Variants in CDH8 observed in about 807,000 individuals in gnomAD.
The protein encoded by CDH8 is cadherin 8.
CDH8 carries 17 observed loss-of-function variants against 68.1 expected under a neutral mutation model. The ratio of observed to expected loss-of-function variants is 0.25; its 90% CI spans 0.17 to 0.37. CDH8 has a LOEUF of 0.37. Ranked by LOEUF, CDH8 falls within the 10% of genes least tolerant of loss-of-function variation. The pLI is 1.00. For missense variants in CDH8, 763 were observed against 999.3 expected (o/e 0.76, Z 3.19); for synonymous variants, 372 against 365.1 (o/e 1.02, Z -0.21).
intron 8 of CDH8, among the ~76,000 whole-genome samples, chr16:61,748,235 T>TCAA (rs1012779971): frequency 6.6e-6 from 1 of 151,718 alleles, no homozygotes; most frequent in African/African-American, 2.4e-5. Flanking sequence ...ATCATCATCA[T>TCAA]CATCACTTTT....
intron 2 of CDH8, among the ~76,000 whole-genome samples, chr16:62,005,578 A>C (rs1161056071): frequency 6.6e-6 from 1 of 152,000 alleles, no homozygotes; most frequent in Non-Finnish European, 1.5e-5. Flanking sequence ...TCTACTAAAA[A>C]TACAAAAATT....
intron 10 of CDH8, among the ~76,000 whole-genome samples, chr16:61,701,687 G>A (rs528574246): frequency 1.3e-5 from 2 of 152,260 alleles, no homozygotes; most frequent in South Asian, 4.1e-4. Flanking sequence ...AGAGCAAAAG[G>A]ACATCCATAT....
At chr16:61,998,743 C>A (rs16964150) in intron 2 of CDH8, among the ~76,000 whole-genome samples, 1,785 of 152,264 alleles carry the variant, frequency 0.012, 38 homozygotes, top group African/African-American at 0.041. Flanking sequence ...TACTTGTCAA[C>A]TAGAAAAGAT....
chr16:61,871,538 ATATT>A (rs1167142363), intron 3 of CDH8, among the ~76,000 whole-genome samples: 2 of 152,030 alleles, frequency 1.3e-5, no homozygotes, highest in African/African-American at 2.4e-5. Flanking sequence ...TAACAAATAA[ATATT>A]TATTTAAGAA....
chr16:61,764,321 A>T (rs1960537656), intron 8 of CDH8, among the ~76,000 whole-genome samples: 1 of 152,072 alleles, frequency 6.6e-6, no homozygotes, highest in African/African-American at 2.4e-5. Flanking sequence ...GAATAGAAGG[A>T]GGTCAGAAGG....
chr16:61,727,692 T>A (rs953015393), intron 8 of CDH8, among the ~76,000 whole-genome samples: 1 of 151,014 alleles, frequency 6.6e-6, no homozygotes, highest in African/African-American at 2.4e-5. Flanking sequence ...TTAACAATGA[T>A]AAAAGAGGTA....
At chr16:61,834,034 T>C (rs1962516533) in intron 4 of CDH8, among the ~76,000 whole-genome samples, 1 of 151,754 alleles carries the variant, frequency 6.6e-6, no homozygotes, top group Admixed American at 6.6e-5. Flanking sequence ...ACATAATAGG[T>C]TATTCAACAA....
At chr16:61,855,070 CCAA>C (rs1963017244) in intron 4 of CDH8, among the ~76,000 whole-genome samples, 1 of 151,996 alleles carries the variant, frequency 6.6e-6, no homozygotes, top group Non-Finnish European at 1.5e-5. Flanking sequence ...CTTCATTCAC[CCAA>C]CATTACTAAG....
At chr16:61,948,734 C>T (rs866273310) in intron 2 of CDH8, among the ~76,000 whole-genome samples, 51 of 152,288 alleles carry the variant, frequency 3.3e-4, no homozygotes, top group Middle Eastern at 3.4e-3. Context: ...AGAGTATATT[C>T]TAATTGTTGG....
intron 10 of CDH8, among the ~76,000 whole-genome samples, chr16:61,658,491 GTAACTTA>G (rs1963495134): frequency 6.6e-6 from 1 of 151,890 alleles, no homozygotes; most frequent in Non-Finnish European, 1.5e-5. Context: ...TAATTATGGA[GTAACTTA>G]TAACTTACCT....
intron 10 of CDH8, among the ~76,000 whole-genome samples, chr16:61,668,695 G>C (rs972789307): frequency 6.7e-6 from 1 of 149,466 alleles, no homozygotes; most frequent in Non-Finnish European, 1.5e-5. Flanking sequence ...CACACACCAA[G>C]GCCTTTAGTG....
At chr16:61,826,910 G>A (rs1360615819) in intron 4 of CDH8, among the ~76,000 whole-genome samples, 1 of 151,764 alleles carries the variant, frequency 6.6e-6, no homozygotes, top group Non-Finnish European at 1.5e-5. Context: ...GTAATACTAC[G>A]ATGATATTTT....
chr16:61,829,708 C>T (rs369673994), intron 4 of CDH8, among the ~76,000 whole-genome samples: 23 of 151,746 alleles, frequency 1.5e-4, no homozygotes, highest in African/African-American at 4.8e-4. Flanking sequence ...ATCTCTAAGG[C>T]GAGTAGGAAG....
At chr16:61,835,383 A>C (rs1962547626) in intron 4 of CDH8, among the ~76,000 whole-genome samples, 1 of 151,872 alleles carries the variant, frequency 6.6e-6, no homozygotes, top group Admixed American at 6.6e-5. Context: ...ATCCATATGG[A>C]ATAACATATG....
At chr16:61,830,582 T>C (rs373075367) in intron 4 of CDH8, among the ~76,000 whole-genome samples, 1 of 151,762 alleles carries the variant, frequency 6.6e-6, no homozygotes, top group Non-Finnish European at 1.5e-5. Context: ...ATTGTGTCTA[T>C]CTTTTTTCAT....
intron 10 of CDH8, among the ~76,000 whole-genome samples, chr16:61,678,107 T>C (rs1301144241): frequency 2.6e-5 from 4 of 152,008 alleles, no homozygotes; most frequent in Non-Finnish European, 4.4e-5. Context: ...AAAATCTACC[T>C]ATAACCTGGA....
rs1446320347 is a variant in CDH8 at position 61,789,510 on chromosome 16, C to A, written c.1278-28G>T. The A allele has an allele frequency of 2.5e-6, 4 of 1,607,418 alleles. No individual in the cohort carries two copies. The East Asian group carries it at 6.7e-5, about 27-fold the overall frequency. Reference sequence around the variant, plus strand: ...ACAAAACAGACACATCTGTAATCTACTTCAATGTTTATATGATCCATACAT... The same window carrying A: ...ACAAAACAGACACATCTGTAATCTAATTCAATGTTTATATGATCCATACAT... On this transcript the variant is annotated intron_variant, in intron 7 of 11. Coordinates refer to ENST00000577390, the MANE Select transcript of CDH8 (RefSeq NM_001796.5).
chr16:61,822,470 C>G (rs1353900230), intron 5 of CDH8, among the ~76,000 whole-genome samples: 1 of 151,570 alleles, frequency 6.6e-6, no homozygotes, highest in Non-Finnish European at 1.5e-5. Context: ...AGAACATTAC[C>G]TAATTCTCAT....
At chr16:61,768,085 G>A (rs989446985) in intron 8 of CDH8, among the ~76,000 whole-genome samples, 2 of 151,998 alleles carry the variant, frequency 1.3e-5, no homozygotes, top group Admixed American at 6.6e-5. Flanking sequence ...AATGGTAGCT[G>A]TTATTATTAT....
Sources: allele counts gnomAD v4.1 joint callset (sites outside exome capture counted in the v4.1 genomes callset), GRCh38; gene constraint gnomAD v4.1.1; transcripts MANE v1.5; gene names NCBI Gene and HGNC (gene_info 2026-07-23, HGNC 2026-07-21).